PRKCE: variants seen among roughly 807,000 people sequenced by gnomAD.
The protein encoded by PRKCE is protein kinase C epsilon, also known as protein kinase C epsilon type.
In PRKCE, 16 loss-of-function variants were observed where a neutral mutation model predicts 85.4. The observed-to-expected ratio is 0.19, with a 90% CI of 0.13 to 0.28. The LOEUF is 0.28. PRKCE is among the 10% of genes least tolerant of loss of function. The pLI is 1.00. For synonymous variants in PRKCE, 388 were observed against 371.5 expected, an observed-to-expected ratio of 1.04 and a Z score of -0.51; for missense variants, 573 against 975.2, an observed-to-expected ratio of 0.59 and a Z score of 5.49.
At chr2:45,694,477 G>C (rs899840407) in intron 1 of PRKCE, among the ~76,000 whole-genome samples, 1 of 152,204 alleles carries the variant, frequency 6.6e-6, no homozygotes, top group Non-Finnish European at 1.5e-5. Flanking sequence ...CCCCATCTAA[G>C]TGCTAACAGA....
intron 10 of PRKCE, among the ~76,000 whole-genome samples, chr2:46,037,374 C>T (rs979291550): frequency 2.6e-5 from 4 of 152,214 alleles, no homozygotes; most frequent in Non-Finnish European, 5.9e-5. Flanking sequence ...CTCTTCCCTT[C>T]TTCCATCAGT....
At chr2:45,862,122 C>T (rs545771396) in intron 2 of PRKCE, among the ~76,000 whole-genome samples, 1 of 151,792 alleles carries the variant, frequency 6.6e-6, no homozygotes, top group Admixed American at 6.6e-5. Context: ...AAAACAATAA[C>T]TGCCCTGGAG....
chr2:45,972,019 C>T (rs1702142194), intron 2 of PRKCE, among the ~76,000 whole-genome samples: 2 of 152,092 alleles, frequency 1.3e-5, no homozygotes, highest in South Asian at 4.1e-4. Context: ...TTCTATTTTT[C>T]GTTTCTTAAG....
At chr2:45,785,508 A>G (rs576319788) in intron 1 of PRKCE, among the ~76,000 whole-genome samples, 3 of 152,084 alleles carry the variant, frequency 2.0e-5, no homozygotes, top group Non-Finnish European at 4.4e-5. Flanking sequence ...AATAAAAAAA[A>G]AAAAGAAATG....
intron 1 of PRKCE, among the ~76,000 whole-genome samples, chr2:45,752,559 C>G (rs1683663928): frequency 6.6e-6 from 1 of 152,048 alleles, no homozygotes; most frequent in Non-Finnish European, 1.5e-5. Context: ...CCTCTCTGAG[C>G]CTGTTTCCTC....
At chr2:45,792,110 G>T (rs1265395442) in intron 1 of PRKCE, among the ~76,000 whole-genome samples, 1 of 152,154 alleles carries the variant, frequency 6.6e-6, no homozygotes, top group African/African-American at 2.4e-5. Flanking sequence ...CCTGGTGCTG[G>T]CATCTGCTTG....
chr2:46,057,208 C>G (rs1001143386), intron 10 of PRKCE, among the ~76,000 whole-genome samples: 18 of 152,170 alleles, frequency 1.2e-4, no homozygotes, highest in African/African-American at 4.1e-4. Flanking sequence ...GATCCACTGT[C>G]TTCATGACGT....
At chr2:45,868,319 CAAAAAAAA>C (rs371501864) in intron 2 of PRKCE, among the ~76,000 whole-genome samples, 5 of 36,000 alleles carry the variant, frequency 1.4e-4, no homozygotes, top group African/African-American at 2.2e-4. Flanking sequence ...CTTTCCTGTC[CAAAAAAAA>C]AAAAAAAAAA....
At chr2:46,123,177 C>CAAGGA (rs1673493067) in intron 11 of PRKCE, among the ~76,000 whole-genome samples, 1 of 48,562 alleles carries the variant, frequency 2.1e-5, no homozygotes, top group Non-Finnish European at 4.1e-5. Flanking sequence ...TGTGCAAATA[C>CAAGGA]AAGGAAAGGA....
intron 1 of PRKCE, among the ~76,000 whole-genome samples, chr2:45,731,664 C>T (rs1681589505): frequency 6.9e-6 from 1 of 145,090 alleles, no homozygotes; most frequent in South Asian, 2.2e-4. Context: ...CACTCTGTTG[C>T]CCAGGAAGAA....
rs189611620 is a variant in PRKCE, at chr2:46,043,066, T to C, written c.1437+32549T>C. On this transcript the variant is annotated intron_variant, in intron 10 of 14. Transcript: ENST00000306156. ...GCAACTTCCCATCCAAATTAAACAT[T>C]TGAAGTGGGAAAACTTTGTAGGGCC... Among the ~76,000 whole-genome samples, 10 of 151,976 alleles carry C rather than the reference T, an allele frequency of 6.6e-5. 1 individual carries two copies. Among genetic ancestry groups the C allele is most frequent in the African/African-American group, 2.4e-4 (10 of 41,364 alleles).
chr2:45,651,955 G>T lies in PRKCE; in HGVS notation c.-146G>T. On this transcript the variant is annotated 5_prime_UTR_variant, in exon 1 of 15. Coordinates refer to ENST00000306156, the MANE Select transcript of PRKCE (RefSeq NM_005400.3). ...GGCTGAGAATCGCCCGCGCCAGGGC[G>T]CAACGCCACAAGGTGTAGGGAGTGT... 3.2e-6 allele frequency: 2 copies of T among 623,256 alleles called. No individual in the cohort carries two copies. Among genetic ancestry groups the T allele is most frequent in the Non-Finnish European group, 5.5e-6 (2 of 366,728 alleles). 38.6% of individuals were successfully genotyped at this position (623,256 alleles called of 1,614,324 possible). A position where few individuals can be genotyped will look rare whatever the true frequency, so the allele number is the denominator to read the frequency against.
intron 2 of PRKCE, among the ~76,000 whole-genome samples, chr2:45,863,817 T>C (rs1027855249): frequency 6.6e-6 from 1 of 151,668 alleles, no homozygotes; most frequent in African/African-American, 2.4e-5. Flanking sequence ...GGAGATGAGC[T>C]CTCAGGGTGG....
intron 1 of PRKCE, among the ~76,000 whole-genome samples, chr2:45,682,453 A>T (rs1240654824): frequency 6.6e-6 from 1 of 151,948 alleles, no homozygotes; most frequent in African/African-American, 2.4e-5. Context: ...TTGAGACAGA[A>T]TCTTGCTCTG....
At chr2:46,092,741 A>T (rs1670294214) in intron 11 of PRKCE, among the ~76,000 whole-genome samples, 1 of 152,158 alleles carries the variant, frequency 6.6e-6, no homozygotes, top group South Asian at 2.1e-4. Flanking sequence ...AGGCCTCCGT[A>T]TGGAAAATGC....
At chr2:45,835,689 C>T (rs13016768) in intron 1 of PRKCE, among the ~76,000 whole-genome samples, 12,268 of 151,480 alleles carry the variant, frequency 0.081, 784 homozygotes, top group African/African-American at 0.15. Flanking sequence ...CTCCCAGGTT[C>T]AAGCCATTCT....
intron 2 of PRKCE, among the ~76,000 whole-genome samples, chr2:45,939,597 T>G (rs1699734862): frequency 6.6e-6 from 1 of 151,830 alleles, no homozygotes; most frequent in African/African-American, 2.4e-5. Context: ...ACTCTATCGC[T>G]AGGCTGGAGT....
At chr2:46,143,124 T>G (rs1313534209) in intron 11 of PRKCE, among the ~76,000 whole-genome samples, 1 of 152,170 alleles carries the variant, frequency 6.6e-6, no homozygotes, top group African/African-American at 2.4e-5. Flanking sequence ...GACGTATTTC[T>G]GTAAGGGTAG....
At chr2:45,784,095 G>T (rs941712603) in intron 1 of PRKCE, among the ~76,000 whole-genome samples, 2 of 152,274 alleles carry the variant, frequency 1.3e-5, no homozygotes, top group African/African-American at 2.4e-5. Context: ...GGACCTCAGG[G>T]TCTAGTTGAA....
Sources: gnomAD v4.1 joint callset for allele counts (sites outside exome capture counted in the v4.1 genomes callset) on GRCh38, gnomAD v4.1.1 for gene constraint, MANE v1.5 for transcripts, NCBI Gene and HGNC (gene_info 2026-07-23, HGNC 2026-07-21) for gene names.